NAV1: variants seen among roughly 807,000 people sequenced by gnomAD.
The protein encoded by NAV1 is pore membrane and/or filament interacting like protein 3.
A neutral mutation model predicts 175.2 loss-of-function variants in NAV1; 18 were observed. That is an observed-to-expected ratio of 0.10 (90% CI 0.07 to 0.15). The LOEUF (loss-of-function observed/expected upper bound fraction) is 0.15. NAV1 is among the 10% of genes least tolerant of loss of function. NAV1 has a pLI of 1.00. For missense variants in NAV1, 1,731 were observed against 2,436.6 expected, an observed-to-expected ratio of 0.71 and a Z score of 6.10; for synonymous variants, 897 against 978.7, an observed-to-expected ratio of 0.92 and a Z score of 1.56.
intron 1 of NAV1, among the ~76,000 whole-genome samples, chr1:201,674,798 A>G (rs1256207470): frequency 6.6e-6 from 1 of 152,258 alleles, no homozygotes; most frequent in Middle Eastern, 3.4e-3. Flanking sequence ...GCACTCTGGG[A>G]GGCCGAGGTG....
chr1:201,571,959 T>A (rs1316711319), intron 1 of NAV1, among the ~76,000 whole-genome samples: 1 of 152,238 alleles, frequency 6.6e-6, no homozygotes, highest in Non-Finnish European at 1.5e-5. Context: ...ATACCTAATG[T>A]GCCTAATGCA....
chr1:201,696,484 A>G (rs1671195949), intron 1 of NAV1, among the ~76,000 whole-genome samples: 1 of 152,134 alleles, frequency 6.6e-6, no homozygotes, highest in Non-Finnish European at 1.5e-5. Flanking sequence ...ATTGGACAGG[A>G]GCAGTGACTG....
chr1:201,584,360 A>G (rs1301851687), intron 1 of NAV1, among the ~76,000 whole-genome samples: 1 of 152,272 alleles, frequency 6.6e-6, no homozygotes, highest in Non-Finnish European at 1.5e-5. Flanking sequence ...ATGCAGCTAT[A>G]AAAACAAAGA....
intron 2 of NAV1, among the ~76,000 whole-genome samples, chr1:201,614,349 C>T (rs943498343): frequency 1.5e-4 from 23 of 152,238 alleles, no homozygotes; most frequent in Non-Finnish European, 1.6e-4. Flanking sequence ...AGCACCACGG[C>T]CGCCGCCCAG....
intron 28 of NAV1, among the ~76,000 whole-genome samples, chr1:201,815,065 A>G (rs1678943229): frequency 6.6e-6 from 1 of 152,016 alleles, no homozygotes; most frequent in Admixed American, 6.6e-5. Context: ...AAGTTAAAAA[A>G]AAAAAATTAA....
chr1:201,591,990 G>A (rs906313252), intron 2 of NAV1, among the ~76,000 whole-genome samples: 10 of 152,182 alleles, frequency 6.6e-5, no homozygotes, highest in African/African-American at 1.4e-4. Context: ...AGGGCTTAGC[G>A]ATGTCTTTGA....
chr1:201,770,441 A>AG (rs1250528463), intron 3 of NAV1, among the ~76,000 whole-genome samples: 1 of 152,222 alleles, frequency 6.6e-6, no homozygotes, highest in African/African-American at 2.4e-5. Flanking sequence ...AGAGCACTCA[A>AG]GGGGCTAATT....
chr1:201,629,795 A>G (rs908686269), intron 2 of NAV1, among the ~76,000 whole-genome samples: 1 of 152,186 alleles, frequency 6.6e-6, no homozygotes, highest in African/African-American at 2.4e-5. Flanking sequence ...AAAGGTAACA[A>G]GCTGGGAGTG....
In NAV1 at chr1:201,547,217, G is replaced by A. The variant is rs545699540; in HGVS notation, c.-144+7875G>A. 5.9e-5 allele frequency among the ~76,000 whole-genome samples: 9 copies of A among 152,138 alleles called. No individual in the cohort carries two copies. In the South Asian group the frequency reaches 1.2e-3, roughly 21 times the overall value. On this transcript the variant is annotated intron_variant, in intron 1 of 33. Coordinates refer to the NAV1 transcript ENST00000685211. Reference sequence around the variant, plus strand: ...TTGGTCAGGCTGGTCTCAAACTCCCGACCTCAGGTGATACGCCCACCTCGG... The same window carrying A: ...TTGGTCAGGCTGGTCTCAAACTCCCAACCTCAGGTGATACGCCCACCTCGG...
exon 7 of NAV1, chr1:201,783,608 G>T: frequency 6.2e-7 from 1 of 1,614,018 alleles, no homozygotes; most frequent in East Asian, 2.2e-5. Flanking sequence ...TATTAACTCA[G>T]CCAGCTTCTC....
At chr1:201,663,975 G>A (rs183304703) in intron 1 of NAV1, among the ~76,000 whole-genome samples, 5 of 152,282 alleles carry the variant, frequency 3.3e-5, no homozygotes, top group Admixed American at 2.0e-4. Flanking sequence ...GATTACAATC[G>A]TAAAGTTCCC....
At chr1:201,755,902 C>T (rs552719497) in intron 3 of NAV1, among the ~76,000 whole-genome samples, 20 of 152,034 alleles carry the variant, frequency 1.3e-4, no homozygotes, top group South Asian at 2.1e-4. Context: ...GTCAGGAGAT[C>T]GAGACCATCC....
intron 29 of NAV1, among the ~76,000 whole-genome samples, chr1:201,819,454 A>AT (rs11390244): frequency 0.34 from 45,303 of 132,628 alleles, 8,559 homozygotes; most frequent in African/African-American, 0.5. Context: ...CATGATCTAG[A>AT]TTTTTTTTTT....
intron 3 of NAV1, among the ~76,000 whole-genome samples, chr1:201,744,345 TATTC>T (rs893947496): frequency 2.2e-5 from 3 of 138,320 alleles, no homozygotes; most frequent in East Asian, 4.2e-4. Context: ...TTTATTTATT[TATTC>T]ATTCATTCAT....
chr1:201,568,477 G>A (rs748214435), intron 1 of NAV1, among the ~76,000 whole-genome samples: 1 of 152,118 alleles, frequency 6.6e-6, no homozygotes, highest in Non-Finnish European at 1.5e-5. Flanking sequence ...GGTATGTCTG[G>A]CCACAGCTGG....
chr1:201,687,809 A>G (rs1451145848), intron 1 of NAV1, among the ~76,000 whole-genome samples: 2 of 152,150 alleles, frequency 1.3e-5, no homozygotes, highest in East Asian at 3.9e-4. Flanking sequence ...CTGGGAACTG[A>G]TGGGAGAGTA....
intron 1 of NAV1, among the ~76,000 whole-genome samples, chr1:201,567,378 C>T (rs1666388024): frequency 6.6e-6 from 1 of 152,164 alleles, no homozygotes. Flanking sequence ...GGGTTGGAGC[C>T]CGCGCTGTAG....
rs761576499 is a variant in NAV1 at position 201,808,378 on chromosome 1, C to A, written c.3846-40C>A. 1.8e-5 allele frequency: 29 copies of A among 1,576,028 alleles called. No homozygotes were observed. Among genetic ancestry groups the A allele is most frequent in the Non-Finnish European group, 2.4e-5 (28 of 1,161,370 alleles). On this transcript the variant is annotated intron_variant, in intron 18 of 29. Transcript: ENST00000367296. This position sits in a 1 kb window ranked among gnomAD's most constrained non-coding sequence, Gnocchi z 5.5. ...TCAATATTCTCTAGTAACTCTAGTG[C>A]TTCTTCATGTAGCCTGGCTTGACTC...
At chr1:201,612,932 A>G (rs1667897893) in intron 2 of NAV1, among the ~76,000 whole-genome samples, 2 of 152,074 alleles carry the variant, frequency 1.3e-5, no homozygotes, top group African/African-American at 2.4e-5. Flanking sequence ...AGTGGCACCA[A>G]GGGACACACT....
Sources: gnomAD v4.1 joint callset for allele counts (sites outside exome capture counted in the v4.1 genomes callset) on GRCh38, gnomAD v4.1.1 for gene constraint, Gnocchi (gnomAD v3.1) non-coding constraint, MANE v1.5 for transcripts, NCBI Gene and HGNC (gene_info 2026-07-23, HGNC 2026-07-21) for gene names.